Variants in KLHDC1 observed in about 807,000 individuals in gnomAD.
The protein encoded by KLHDC1 is kelch domain containing 1.
KLHDC1 carries 53 observed loss-of-function variants against 68.3 expected under a neutral mutation model. The observed-to-expected ratio is 0.78, with a 90% confidence interval of 0.62 to 0.98. The LOEUF (loss-of-function observed/expected upper bound fraction) is 0.98. KLHDC1 is among the 50% of genes least tolerant of loss of function. The pLI is 0.00. For missense variants in KLHDC1, 470 were observed against 492.3 expected (o/e 0.95, Z 0.43); for synonymous variants, 148 against 159.0 (o/e 0.93, Z 0.52).
chr14:49,698,416 C>T (rs1233155679), intron 1 of KLHDC1, among the ~76,000 whole-genome samples: 2 of 152,068 alleles, frequency 1.3e-5, no homozygotes, highest in East Asian at 3.9e-4. Flanking sequence ...GTTGGCCAGG[C>T]TGATCTCAAA....
At position 49,752,918 on chromosome 14, in the gene KLHDC1, A is replaced by G. The variant is rs1015601582; in HGVS notation, c.*1146A>G. On this transcript the variant is annotated 3_prime_UTR_variant, in exon 13 of 13. Transcript: ENST00000359332. ...ATCTCTGAAATTTAAAATGTTAAAG[A>G]AAAACATTTCTATATTGAAATATAT... is the stretch of plus-strand genomic sequence containing the variant. The G allele has an allele frequency of 1.1e-4, 16 of 152,076 alleles. No individual in the cohort carries two copies. The highest frequency in any genetic ancestry group is 2.2e-4 in the Non-Finnish European group (15 of 67,982). The allele number at this position is 152,076 out of a possible 1,614,324, so 9.4% of individuals were successfully genotyped here.
At position 49,732,769 on chromosome 14, in the gene KLHDC1, A is replaced by T. The variant is rs762686700; in HGVS notation, c.776A>T (p.Asp259Val). Residue 259 changes from aspartate (D) to valine (V), a missense_variant, in exon 9 of 13, where the codon GAT becomes GTT. By Grantham distance (152) the Asp-to-Val change is radical. Coordinates refer to ENST00000359332, the MANE Select transcript of KLHDC1 (RefSeq NM_172193.3). Reference protein sequence around the residue: ...SWHTLTPIADDKLFLCGGLSA... With the variant: ...SWHTLTPIADVKLFLCGGLSA... ...CATACTTTAACACCTATAGCTGATG[A>T]TAAACTTTTCCTATGTGGTGGACTA... 6.2e-7 allele frequency: 1 copy of T among 1,609,876 alleles called. No individual in the cohort carries two copies. Among genetic ancestry groups the T allele is most frequent in the African/African-American group, 1.3e-5 (1 of 74,936 alleles).
chr14:49,719,988 AT>A (rs71441254), intron 4 of KLHDC1, among the ~76,000 whole-genome samples: 114,543 of 130,706 alleles, frequency 0.88, 51,147 homozygotes, highest in East Asian at 0.99. Context: ...CACCAAGCTC[AT>A]TTTTTTTTTT....
At chr14:49,732,220 T>C (rs1252529617) in intron 8 of KLHDC1, among the ~76,000 whole-genome samples, 1 of 152,098 alleles carries the variant, frequency 6.6e-6, no homozygotes, top group East Asian at 1.9e-4. Flanking sequence ...TCACCCAGGC[T>C]GGAGTGCAGT....
chr14:49,718,769 CTTTTTTTTTT>C (rs71115397), intron 4 of KLHDC1, among the ~76,000 whole-genome samples: 1 of 76,846 alleles, frequency 1.3e-5, no homozygotes, highest in African/African-American at 5.3e-5. Context: ...TTCTTTCTTT[CTTTTTTTTTT>C]TTTTTTTTTT....
chr14:49,718,572 T>C (rs1392329857), intron 4 of KLHDC1, among the ~76,000 whole-genome samples: 1 of 152,002 alleles, frequency 6.6e-6, no homozygotes, highest in Non-Finnish European at 1.5e-5. Flanking sequence ...TGAACCAGCA[T>C]GCCTAGCATA....
At chr14:49,695,205 C>CTCAGCCTCCTGA (rs959206519) in intron 1 of KLHDC1, among the ~76,000 whole-genome samples, 1 of 151,626 alleles carries the variant, frequency 6.6e-6, no homozygotes, top group African/African-American at 2.4e-5. Flanking sequence ...ATTCTCCTGC[C>CTCAGCCTCCTGA]TCAGCCTCCT....
At chr14:49,693,748 C>CTTTTTCTTTTTTTTTTTTTTTTTTTTTT (rs1555337323) in intron 1 of KLHDC1, among the ~76,000 whole-genome samples, 2 of 61,540 alleles carry the variant, frequency 3.2e-5, no homozygotes, top group East Asian at 7.5e-4. Flanking sequence ...TTTTCTTTTT[C>CTTTTTCTTTTTTTTTTTTTTTTTTTTTT]TTTTTTTTTT....
chr14:49,708,090 A>C (rs1325601556), intron 1 of KLHDC1, among the ~76,000 whole-genome samples: 87 of 56,208 alleles, frequency 1.5e-3, no homozygotes, highest in African/African-American at 4.9e-3. Context: ...TTTTTTTTTG[A>C]GACAAATTCT....
chr14:49,747,719 G>A (rs1180415927), intron 12 of KLHDC1, among the ~76,000 whole-genome samples: 1 of 152,152 alleles, frequency 6.6e-6, no homozygotes, highest in Non-Finnish European at 1.5e-5. Context: ...CTAGGTGACT[G>A]CAGGAAGATG....
intron 4 of KLHDC1, among the ~76,000 whole-genome samples, chr14:49,716,844 C>T (rs1336216972): frequency 6.6e-6 from 1 of 152,142 alleles, no homozygotes; most frequent in Non-Finnish European, 1.5e-5. Context: ...CAAACAGAAA[C>T]TCTGTGCCCA....
chr14:49,711,083 C>G (rs1888186402), intron 4 of KLHDC1, among the ~76,000 whole-genome samples: 1 of 152,216 alleles, frequency 6.6e-6, no homozygotes, highest in African/African-American at 2.4e-5. Context: ...ACCTCTGCCT[C>G]CCGGGTTCAA....
At position 49,753,133 on chromosome 14, in the gene KLHDC1, A is replaced by G. The variant is rs149889161; in HGVS notation, c.*1361A>G. 17 of 152,178 alleles carry G rather than the reference A, an allele frequency of 1.1e-4. No individual in the cohort carries two copies. Among genetic ancestry groups the G allele is most frequent in the African/African-American group, 3.9e-4 (16 of 41,456 alleles). The allele number at this position is 152,178 out of a possible 1,614,324, so 9.4% of individuals were successfully genotyped here. ...TTTGTCAGTGTAAAGCAGTCATTAG[A>G]ATTGATTATACAAAAAATATTTCAT... On this transcript the variant is annotated 3_prime_UTR_variant, in exon 13 of 13. Transcript: ENST00000359332.
intron 4 of KLHDC1, among the ~76,000 whole-genome samples, chr14:49,713,842 A>ATTTT (rs1566603026): frequency 3.5e-5 from 1 of 28,502 alleles, no homozygotes; most frequent in African/African-American, 1.3e-4. Context: ...ATATATATAT[A>ATTTT]TATATATATT....
rs1336100192 is a variant in KLHDC1 at position 49,740,044 on chromosome 14, T to C, written c.897-54T>C. On this transcript the variant is annotated intron_variant, in intron 10 of 12. Coordinates refer to ENST00000359332, the MANE Select transcript of KLHDC1 (RefSeq NM_172193.3). ...AAATTTAGAATTGATTTATATATAATGTACAGTTTCTCCCATGACAGTGTT... is the reference window on the plus strand; with the variant it reads ...AAATTTAGAATTGATTTATATATAACGTACAGTTTCTCCCATGACAGTGTT... 13 of 936,644 alleles carry C rather than the reference T, an allele frequency of 1.4e-5. No homozygotes were observed. The African/African-American group carries it at 1.8e-4, about 13-fold the overall frequency. The allele number at this position is 936,644 out of a possible 1,614,324, so 58.0% of individuals were successfully genotyped here. A position where few individuals can be genotyped will look rare whatever the true frequency, so the allele number is the denominator to read the frequency against.
chr14:49,707,397 G>GAGTGC (rs1888082579), intron 1 of KLHDC1, among the ~76,000 whole-genome samples: 1 of 139,730 alleles, frequency 7.2e-6, no homozygotes, highest in Admixed American at 7.7e-5. Flanking sequence ...GCCTAGGCTG[G>GAGTGC]AGTGCAGTGG....
rs1888172219 is a variant in KLHDC1, at chr14:49,710,518, TG to T, written c.404+138del. 3 of 565,152 alleles carry T rather than the reference TG, an allele frequency of 5.3e-6. No homozygotes were observed. The Admixed American group carries it at 8.7e-5, about 16-fold the overall frequency. The allele number at this position is 565,152 out of a possible 1,614,324, so 35.0% of individuals were successfully genotyped here. ...TTTCTAAATAATCAATATCTGACAA[TG>T]CCCGTTTTATTTCTTCCTTTCTAAT... On this transcript the variant is annotated intron_variant, in intron 4 of 12. Coordinates refer to ENST00000359332, the MANE Select transcript of KLHDC1 (RefSeq NM_172193.3).
chr14:49,718,326 G>A (rs1888431944), intron 4 of KLHDC1, among the ~76,000 whole-genome samples: 1 of 152,112 alleles, frequency 6.6e-6, no homozygotes, highest in Non-Finnish European at 1.5e-5. Context: ...CTTTGCCCAG[G>A]CAGGAGTGTA....
intron 4 of KLHDC1, among the ~76,000 whole-genome samples, chr14:49,717,568 A>T (rs941077192): frequency 6.6e-6 from 1 of 152,038 alleles, no homozygotes; most frequent in Non-Finnish European, 1.5e-5. Flanking sequence ...TGTCTTTTTG[A>T]TGTTACGTTA....
Sources: allele counts gnomAD v4.1 joint callset (sites outside exome capture counted in the v4.1 genomes callset), GRCh38; gene constraint gnomAD v4.1.1; transcripts MANE v1.5; gene names NCBI Gene and HGNC (gene_info 2026-07-23, HGNC 2026-07-21).